Variants in ADAMTS12 observed in about 807,000 individuals in gnomAD.
ADAMTS12 encodes ADAM metallopeptidase with thrombospondin type 1 motif 12.
Under a neutral mutation model 167.8 loss-of-function variants are expected in ADAMTS12, and 118 were observed. That is an observed-to-expected ratio of 0.70 (90% confidence interval 0.61 to 0.82). ADAMTS12 has a LOEUF of 0.82. Ranked by LOEUF, ADAMTS12 falls within the 40% of genes least tolerant of loss-of-function variation. The pLI is 0.00. For synonymous variants in ADAMTS12, 704 were observed against 716.9 expected (o/e 0.98, Z 0.29); for missense variants, 1,916 against 1,998.8 (o/e 0.96, Z 0.79).
intron 2 of ADAMTS12, among the ~76,000 whole-genome samples, chr5:33,800,497 G>A (rs144160959): frequency 7.9e-5 from 12 of 152,284 alleles, no homozygotes; most frequent in East Asian, 3.9e-4. Context: ...AGTTTTGGCC[G>A]TTTCCCATAG....
intron 19 of ADAMTS12, among the ~76,000 whole-genome samples, chr5:33,567,950 A>G (rs772388215): frequency 1.3e-5 from 2 of 152,110 alleles, no homozygotes; most frequent in Non-Finnish European, 2.9e-5. Flanking sequence ...GCTCACAGGT[A>G]TGTACGATTC....
At chr5:33,666,534 C>A (rs1303599711) in intron 5 of ADAMTS12, among the ~76,000 whole-genome samples, 7 of 151,770 alleles carry the variant, frequency 4.6e-5, no homozygotes, top group Admixed American at 4.6e-4. Context: ...CACTCTGTTG[C>A]CAGGCTGGAG....
At chr5:33,883,342 G>GTT (rs796927926) in intron 1 of ADAMTS12, among the ~76,000 whole-genome samples, 3 of 64,312 alleles carry the variant, frequency 4.7e-5, no homozygotes, top group Admixed American at 1.5e-4. Flanking sequence ...TTTTTTTTTT[G>GTT]TTTTTTTTTT....
chr5:33,607,216 C>CCAATA (rs1554026389), intron 16 of ADAMTS12, among the ~76,000 whole-genome samples: 1 of 151,402 alleles, frequency 6.6e-6, no homozygotes, highest in Non-Finnish European at 1.5e-5. Flanking sequence ...TGTGACAGGC[C>CCAATA]CAATGCAATG....
intron 13 of ADAMTS12, among the ~76,000 whole-genome samples, chr5:33,627,433 G>A (rs148665199): frequency 4.3e-4 from 64 of 149,880 alleles, no homozygotes; most frequent in Non-Finnish European, 7.6e-4. Context: ...TGATAATGGT[G>A]GTGGATATGG....
At chr5:33,642,714 T>A (rs1425578504) in intron 10 of ADAMTS12, among the ~76,000 whole-genome samples, 1 of 152,208 alleles carries the variant, frequency 6.6e-6, no homozygotes, top group Admixed American at 6.5e-5. Flanking sequence ...GATTTGGACA[T>A]GTTTTATTGT....
At chr5:33,667,322 A>ACCTCT in intron 5 of ADAMTS12, among the ~76,000 whole-genome samples, 1 of 150,986 alleles carries the variant, frequency 6.6e-6, no homozygotes, top group South Asian at 2.1e-4. Context: ...TGTCTCAAAA[A>ACCTCT]AAAAAAAAAA....
intron 1 of ADAMTS12, among the ~76,000 whole-genome samples, chr5:33,883,575 A>C (rs987061349): frequency 6.6e-6 from 1 of 151,920 alleles, no homozygotes; most frequent in Non-Finnish European, 1.5e-5. Flanking sequence ...AAAAACAAGA[A>C]ATAAAATAAG....
chr5:33,523,567 G>A lies in ADAMTS12; in HGVS notation c.*3621C>T, dbSNP rs1743676758. The A allele has an allele frequency of 6.6e-6, 1 of 152,160 alleles. No homozygotes were observed. Among genetic ancestry groups the A allele is most frequent in the Admixed American group, 6.5e-5 (1 of 15,274 alleles). 9.4% of individuals were successfully genotyped at this position (152,160 alleles called of 1,614,324 possible). A position where few individuals can be genotyped will look rare whatever the true frequency, so the allele number is the denominator to read the frequency against. ...GGCTATTTATTGATGCCACACAGAG[G>A]GAGGTTATGATTACAGTCTGGTTTT... On this transcript the variant is annotated 3_prime_UTR_variant, in exon 24 of 24. Coordinates refer to ENST00000504830, the MANE Select transcript of ADAMTS12 (RefSeq NM_030955.4).
chr5:33,739,835 G>A (rs962204730), intron 3 of ADAMTS12, among the ~76,000 whole-genome samples: 4 of 152,220 alleles, frequency 2.6e-5, no homozygotes, highest in African/African-American at 9.6e-5. Context: ...CAGAAGGCCT[G>A]GGAGGAGAAA....
intron 16 of ADAMTS12, among the ~76,000 whole-genome samples, chr5:33,613,694 G>GA (rs1279585502): frequency 1.3e-5 from 2 of 152,138 alleles, no homozygotes; most frequent in Non-Finnish European, 2.9e-5. Flanking sequence ...CAATTTTTTT[G>GA]TTCTTGTGGC....
chr5:33,599,444 T>C (rs1738076372), intron 16 of ADAMTS12, among the ~76,000 whole-genome samples: 1 of 152,162 alleles, frequency 6.6e-6, no homozygotes, highest in African/African-American at 2.4e-5. Context: ...CCCCCTTCTC[T>C]TCCCTGCCCT....
rs377546051 is a variant in ADAMTS12 at position 33,616,818 on chromosome 5, A to G, written c.2144-746T>C. On this transcript the variant is annotated intron_variant, in intron 14 of 23. Transcript: ENST00000504830. ...TTAAAGATAACAATCAACTCCAGCC[A>G]CAGTCTTATTATTCCTGTTTAATGG... Among the ~76,000 whole-genome samples the G allele has an allele frequency of 5.1e-4, 77 of 152,356 alleles. 2 individuals carry two copies. In the South Asian group the frequency reaches 0.013, roughly 25 times the overall value.
intron 23 of ADAMTS12, among the ~76,000 whole-genome samples, chr5:33,533,473 T>C (rs1398310214): frequency 6.6e-6 from 1 of 152,334 alleles, no homozygotes; most frequent in East Asian, 1.9e-4. Context: ...TAGGTAGGTC[T>C]AGAGTGAGGC....
chr5:33,620,961 A>G (rs1731864990), intron 14 of ADAMTS12, among the ~76,000 whole-genome samples: 1 of 152,306 alleles, frequency 6.6e-6, no homozygotes, highest in South Asian at 2.1e-4. Context: ...TAGCAAATCA[A>G]TTTTCTTGCA....
Position 33,778,382 on chromosome 5 carries a change from T to C in ADAMTS12, c.490-26834A>G, listed in dbSNP as rs953320004. Among the ~76,000 whole-genome samples, 9 of 152,172 alleles carry C rather than the reference T, an allele frequency of 5.9e-5. No homozygotes were observed. In the South Asian group the frequency reaches 1.7e-3, roughly 28 times the overall value. On this transcript the variant is annotated intron_variant, in intron 2 of 23. Transcript: ENST00000504830. ...AGTAAACCCACACATTTATGGTCCATTGATCTTCAACAAAGATGCCAAGAA... is the reference window on the plus strand; with the variant it reads ...AGTAAACCCACACATTTATGGTCCACTGATCTTCAACAAAGATGCCAAGAA...
rs1298642029 is a variant in ADAMTS12 at position 33,634,974 on chromosome 5, G to GCTCCACCCT, written c.1888+2602_1888+2603insAGGGTGGAG. On this transcript the variant is annotated intron_variant, in intron 12 of 23. Transcript: ENST00000504830. ...ACTTCTGTGATGAAGCGATCCTCCC[G>GCTCCACCCT]CCCCACCCTCCTGACTAGTTCGGAT... Among the ~76,000 whole-genome samples, 30 of 151,980 alleles carry GCTCCACCCT rather than the reference G, an allele frequency of 2.0e-4. No homozygotes were observed. In the East Asian group the frequency reaches 5.4e-3, roughly 28 times the overall value.
chr5:33,630,647 G>T (rs4262111), intron 13 of ADAMTS12, 133 bp downstream of exon 13: 2 of 965,000 alleles, frequency 2.1e-6, no homozygotes, highest in East Asian at 2.6e-5. Flanking sequence ...TTATCTTTTC[G>T]TTTCATGAAC....
rs147686880 is a variant in ADAMTS12 at position 33,749,645 on chromosome 5, C to T, written c.634+1759G>A. Among the ~76,000 whole-genome samples, 11 of 152,180 alleles carry T rather than the reference C, an allele frequency of 7.2e-5. No individual in the cohort carries two copies. In the East Asian group the frequency reaches 2.1e-3, roughly 29 times the overall value. ...AATTCACAAGGCAAAGATTGTATGG[C>T]ATTAATCAGAGAAGGTTCTTTAGAA... On this transcript the variant is annotated intron_variant, in intron 3 of 23. Transcript: ENST00000504830.
Sources: gnomAD v4.1 joint callset for allele counts (sites outside exome capture counted in the v4.1 genomes callset) on GRCh38, gnomAD v4.1.1 for gene constraint, MANE v1.5 for transcripts, NCBI Gene and HGNC (gene_info 2026-07-23, HGNC 2026-07-21) for gene names.